Variants in ADAMTS2 observed in about 807,000 individuals in gnomAD.
ADAMTS2 encodes ADAM metallopeptidase with thrombospondin type 1 motif 2.
Under a neutral mutation model 123.0 loss-of-function variants are expected in ADAMTS2, and 50 were observed. The ratio of observed to expected loss-of-function variants is 0.41; its 90% CI spans 0.32 to 0.51. The LOEUF is 0.51. ADAMTS2 is among the 20% of genes least tolerant of loss of function. The probability of loss-of-function intolerance (pLI) is 0.35; values close to 1 mark genes in which losing one functional copy is unlikely to be tolerated. For missense variants in ADAMTS2, 1,494 were observed against 1,705.2 expected (o/e 0.88, Z 2.18); for synonymous variants, 678 against 695.4 (o/e 0.98, Z 0.39).
At position 179,153,235 on chromosome 5, in the gene ADAMTS2, C is replaced by A. The variant is rs142298647; in HGVS notation, c.1515+256G>T. On this transcript the variant is annotated intron_variant, in intron 9 of 21. Transcript: ENST00000251582. The stretch of plus-strand genomic sequence containing the variant: ...TCCTGACCTCTGCAGGCTCTCACTG[C>A]CCCTGGCTGACACCCTGGTCACAGT... Among the ~76,000 whole-genome samples the A allele has an allele frequency of 0.01, 1,580 of 152,306 alleles. 30 individuals carry two copies. Among genetic ancestry groups the A allele is most frequent in the African/African-American group, 0.036 (1,499 of 41,550 alleles).
chr5:179,315,693 C>T (rs1189191704), intron 2 of ADAMTS2, among the ~76,000 whole-genome samples: 2 of 152,228 alleles, frequency 1.3e-5, no homozygotes, highest in Admixed American at 1.3e-4. Context: ...AGACAAAGCA[C>T]AGCCCCAGAT....
At chr5:179,223,442 TCACA>T (rs959423348) in intron 3 of ADAMTS2, among the ~76,000 whole-genome samples, 50 of 130,030 alleles carry the variant, frequency 3.8e-4, no homozygotes, top group African/African-American at 1.4e-3. Flanking sequence ...ACGAACGCAC[TCACA>T]CACGCACACT....
intron 3 of ADAMTS2, among the ~76,000 whole-genome samples, chr5:179,255,765 C>T (rs956385137): frequency 4.6e-5 from 7 of 152,154 alleles, no homozygotes; most frequent in African/African-American, 1.2e-4. Flanking sequence ...AGGGGTGGCA[C>T]GGCACAGACA....
intron 4 of ADAMTS2, among the ~76,000 whole-genome samples, chr5:179,184,009 C>T (rs1283787921): frequency 6.6e-6 from 1 of 152,184 alleles, no homozygotes; most frequent in East Asian, 1.9e-4. Flanking sequence ...GCAACATGAT[C>T]TTGAAATTCC....
At chr5:179,216,682 C>T (rs1764990546) in intron 3 of ADAMTS2, among the ~76,000 whole-genome samples, 1 of 152,264 alleles carries the variant, frequency 6.6e-6, no homozygotes, top group South Asian at 2.1e-4. Context: ...CGGGAGCCTC[C>T]ATCCAGCGGG....
chr5:179,182,366 A>G (rs1427166223), intron 4 of ADAMTS2, among the ~76,000 whole-genome samples: 2 of 152,116 alleles, frequency 1.3e-5, no homozygotes, highest in Non-Finnish European at 2.9e-5. Flanking sequence ...TGGCCAAGAC[A>G]TACTTCCCGG....
chr5:179,274,078 C>G (rs6884564), intron 2 of ADAMTS2, among the ~76,000 whole-genome samples: 56,254 of 148,816 alleles, frequency 0.38, 11,249 homozygotes, highest in Admixed American at 0.43. Flanking sequence ...ACCCCCTCAC[C>G]TCTCCTGCCC....
intron 2 of ADAMTS2, among the ~76,000 whole-genome samples, chr5:179,276,834 G>A (rs570936318): frequency 1.0e-3 from 156 of 152,292 alleles, no homozygotes; most frequent in African/African-American, 3.4e-3. Flanking sequence ...AGCCCAGGTC[G>A]GGAGCCATCG....
At chr5:179,300,247 G>A (rs908054216) in intron 2 of ADAMTS2, among the ~76,000 whole-genome samples, 10 of 152,132 alleles carry the variant, frequency 6.6e-5, no homozygotes, top group East Asian at 3.9e-4. Flanking sequence ...CCAGGTTCTC[G>A]GGACTGGGAC....
intron 4 of ADAMTS2, among the ~76,000 whole-genome samples, chr5:179,203,289 T>C (rs946730740): frequency 7.2e-5 from 11 of 152,224 alleles, no homozygotes; most frequent in Non-Finnish European, 2.9e-5. Flanking sequence ...GGGCAGCTCA[T>C]TGCCCAGGGC....
intron 2 of ADAMTS2, among the ~76,000 whole-genome samples, chr5:179,274,779 T>A (rs1169127874): frequency 6.6e-6 from 1 of 152,232 alleles, no homozygotes; most frequent in Non-Finnish European, 1.5e-5. Context: ...CCCGGCGCAC[T>A]CAGCCTGGGC....
intron 2 of ADAMTS2, among the ~76,000 whole-genome samples, chr5:179,301,315 C>T (rs571547595): frequency 1.9e-4 from 29 of 152,298 alleles, no homozygotes; most frequent in East Asian, 3.9e-4. Context: ...TGGCCTCTTT[C>T]GACCTCTGCT....
At chr5:179,198,011 GC>G (rs564326713) in intron 4 of ADAMTS2, among the ~76,000 whole-genome samples, 9 of 152,210 alleles carry the variant, frequency 5.9e-5, no homozygotes, top group Non-Finnish European at 1.3e-4. Context: ...AAATACCAAA[GC>G]CCCAGGGTCA....
chr5:179,212,726 C>A (rs1222261108), intron 3 of ADAMTS2, among the ~76,000 whole-genome samples: 2 of 49,644 alleles, frequency 4.0e-5, no homozygotes, highest in African/African-American at 8.4e-5. Flanking sequence ...GCCCTGAGGG[C>A]GGGTGCAGTG....
intron 10 of ADAMTS2, among the ~76,000 whole-genome samples, chr5:179,148,011 T>A (rs919571310): frequency 4.6e-5 from 7 of 152,154 alleles, no homozygotes; most frequent in African/African-American, 1.4e-4. Context: ...AGCGTAAGCA[T>A]CATGAGCTTC....
chr5:179,288,663 CTGGAGAGCCGGAGCAGCGAGG>C (rs1756096668), intron 2 of ADAMTS2, among the ~76,000 whole-genome samples: 1 of 152,234 alleles, frequency 6.6e-6, no homozygotes, highest in Non-Finnish European at 1.5e-5. Flanking sequence ...GGTTGGCCCA[CTGGAGAGCCGGAGCAGCGAGG>C]CCAGCAATGA....
intron 2 of ADAMTS2, among the ~76,000 whole-genome samples, chr5:179,310,558 C>T (rs961591216): frequency 3.3e-5 from 5 of 152,098 alleles, no homozygotes; most frequent in South Asian, 2.1e-4. Context: ...GCTAGAATCC[C>T]GGCTGGGGTG....
chr5:179,283,948 T>TGATG (rs1755919810), intron 2 of ADAMTS2, among the ~76,000 whole-genome samples: 1 of 83,002 alleles, frequency 1.2e-5, no homozygotes, highest in African/African-American at 6.1e-5. Flanking sequence ...GTCAGATGAT[T>TGATG]ATTATTATTA....
chr5:179,280,596 C>T (rs570549517), intron 2 of ADAMTS2, among the ~76,000 whole-genome samples: 4 of 152,206 alleles, frequency 2.6e-5, no homozygotes, highest in Non-Finnish European at 5.9e-5. Context: ...AGGCCAAGGC[C>T]GTCCCATGGC....
Sources: gnomAD v4.1 joint callset for allele counts (sites outside exome capture counted in the v4.1 genomes callset) on GRCh38, gnomAD v4.1.1 for gene constraint, MANE v1.5 for transcripts, NCBI Gene and HGNC (gene_info 2026-07-23, HGNC 2026-07-21) for gene names.